FAM118A: variants seen among roughly 807,000 people sequenced by gnomAD.
FAM118A encodes SIR2 antiphage like 2, also known as protein FAM118A.
Under a neutral mutation model 38.2 loss-of-function variants are expected in FAM118A, and 25 were observed. The ratio of observed to expected loss-of-function variants is 0.65; its 90% CI spans 0.48 to 0.91. The LOEUF is 0.91. Among genes scored for constraint, FAM118A ranks in the 40% least tolerant of loss-of-function variants. The pLI, the probability that FAM118A is intolerant of heterozygous loss-of-function variation, is 0.00. For missense variants in FAM118A, 425 were observed against 463.3 expected (o/e 0.92, Z 0.76); for synonymous variants, 178 against 184.1 (o/e 0.97, Z 0.27).
rs1461066545 is a variant in FAM118A at position 45,341,441 on chromosome 22, C to T, written c.*1036C>T. 6.6e-6 allele frequency: 1 copy of T among 152,220 alleles called. No homozygotes were observed. Among genetic ancestry groups the T allele is most frequent in the Non-Finnish European group, 1.5e-5 (1 of 68,046 alleles). 9.4% of individuals were successfully genotyped at this position (152,220 alleles called of 1,614,324 possible). ...GGTTTCAAACATTATAAGTTCCAGG[C>T]TTTGCAAGTCTTTATTCTCTGGGGT... On this transcript the variant is annotated 3_prime_UTR_variant, in exon 9 of 9. Transcript: ENST00000441876.
intron 1 of FAM118A, among the ~76,000 whole-genome samples, chr22:45,315,511 A>T (rs1285713857): frequency 6.6e-6 from 1 of 152,198 alleles, no homozygotes; most frequent in Non-Finnish European, 1.5e-5. Flanking sequence ...GACACTGTAC[A>T]CTTTATTAAG....
At chr22:45,310,337 C>T (rs2084306985) in intron 1 of FAM118A, among the ~76,000 whole-genome samples, 154 bp downstream of exon 1, 2 of 151,982 alleles carry the variant, frequency 1.3e-5, no homozygotes, top group South Asian at 4.2e-4. Flanking sequence ...AGGATCCGCC[C>T]TGCCCCTCCA....
At chr22:45,330,901 C>A in intron 5 of FAM118A, 170 bp downstream of exon 5, 1 of 603,928 alleles carries the variant, frequency 1.7e-6, no homozygotes, top group Non-Finnish European at 2.5e-6. Context: ...TCGTCTGTGT[C>A]TCTGGGGTCC....
chr22:45,330,900 T>C, intron 5 of FAM118A, 169 bp downstream of exon 5: 1 of 614,254 alleles, frequency 1.6e-6, no homozygotes, highest in Non-Finnish European at 2.4e-6. Context: ...CTCGTCTGTG[T>C]CTCTGGGGTC....
intron 1 of FAM118A, 82 bp from the exon 2 acceptor site, chr22:45,322,289 T>C: frequency 6.3e-7 from 1 of 1,580,854 alleles, no homozygotes; most frequent in Non-Finnish European, 8.6e-7. Flanking sequence ...ATTTTAATTC[T>C]AGCCTTAACT....
At chr22:45,315,064 A>G (rs2084545686) in intron 1 of FAM118A, among the ~76,000 whole-genome samples, 1 of 152,230 alleles carries the variant, frequency 6.6e-6, no homozygotes, top group Admixed American at 6.5e-5. Flanking sequence ...TTGAATCTCT[A>G]TTAAAGGCTG....
chr22:45,324,518 G>A (rs757257607), intron 3 of FAM118A, among the ~76,000 whole-genome samples: 1 of 152,230 alleles, frequency 6.6e-6, no homozygotes, highest in South Asian at 2.1e-4. Context: ...AGCAGAGCTT[G>A]GGAAATGTTT....
chr22:45,330,891 T>A, intron 5 of FAM118A, 160 bp downstream of exon 5: 1 of 674,460 alleles, frequency 1.5e-6, no homozygotes, highest in Non-Finnish European at 2.1e-6. Context: ...TCTCTTGTCC[T>A]CGTCTGTGTC....
chr22:45,327,154 C>T (rs960207029), intron 3 of FAM118A, among the ~76,000 whole-genome samples: 8 of 151,848 alleles, frequency 5.3e-5, no homozygotes, highest in African/African-American at 1.2e-4. Context: ...GTGGCAAGCT[C>T]GCTTGGGCCC....
intron 1 of FAM118A, 27 bp from the exon 2 acceptor site, chr22:45,322,344 T>C: frequency 1.2e-6 from 2 of 1,602,854 alleles, no homozygotes; most frequent in South Asian, 2.3e-5. Context: ...GAGACAGAAG[T>C]CACTTCTGAC....
intron 3 of FAM118A, 89 bp from the exon 4 acceptor site, chr22:45,327,753 A>C: frequency 7.5e-7 from 1 of 1,339,332 alleles, no homozygotes; most frequent in Non-Finnish European, 1.1e-6. Context: ...CAGCCGCTGT[A>C]TCTCTGGCAC....
At chr22:45,332,780 C>G in intron 6 of FAM118A, 70 bp downstream of exon 6, 1 of 1,487,378 alleles carries the variant, frequency 6.7e-7, no homozygotes, top group South Asian at 1.4e-5. Flanking sequence ...GAGTTTTGCT[C>G]TTGTTGCCCA....
chr22:45,309,802 G>GGCGGC (rs991598684), upstream of FAM118A: 1 of 123,262 alleles, frequency 8.1e-6, no homozygotes, highest in Non-Finnish European at 2.0e-5. Context: ...CAGAGGATCT[G>GGCGGC]GCGGCGGGGC....
At chr22:45,335,055 A>G (rs2085988642) in intron 6 of FAM118A, 2 of 428,210 alleles carry the variant, frequency 4.7e-6, no homozygotes, top group Non-Finnish European at 8.3e-6. Context: ...ACTCGAATTC[A>G]TGGAGTGCCA....
chr22:45,337,548 C>T (rs533528025), intron 8 of FAM118A, among the ~76,000 whole-genome samples: 4 of 152,134 alleles, frequency 2.6e-5, no homozygotes, highest in African/African-American at 9.6e-5. Context: ...TAACGTTTCC[C>T]AATATTCTTA....
intron 2 of FAM118A, 73 bp from the exon 3 acceptor site, chr22:45,323,101 AG>A: frequency 6.5e-7 from 1 of 1,537,200 alleles, no homozygotes; most frequent in Non-Finnish European, 8.9e-7. Context: ...CGGAACTCGC[AG>A]ACAGTTCCAG....
intron 5 of FAM118A, among the ~76,000 whole-genome samples, chr22:45,331,925 C>T (rs1286396713): frequency 6.6e-6 from 1 of 152,136 alleles, no homozygotes; most frequent in Non-Finnish European, 1.5e-5. Flanking sequence ...CCCTCATTCG[C>T]AAAACCACCC....
chr22:45,317,995 T>C (rs1462607577), intron 1 of FAM118A, among the ~76,000 whole-genome samples: 1 of 152,226 alleles, frequency 6.6e-6, no homozygotes, highest in African/African-American at 2.4e-5. Context: ...GCGGGGCCAT[T>C]AACATCCTAC....
At chr22:45,326,305 C>A (rs967368835) in intron 3 of FAM118A, among the ~76,000 whole-genome samples, 1 of 151,982 alleles carries the variant, frequency 6.6e-6, no homozygotes, top group African/African-American at 2.4e-5. Context: ...CCCTTGGAGA[C>A]AGCTCCTGTC....
Sources: gnomAD v4.1 joint callset for allele counts (sites outside exome capture counted in the v4.1 genomes callset) on GRCh38, gnomAD v4.1.1 for gene constraint, MANE v1.5 for transcripts, NCBI Gene and HGNC (gene_info 2026-07-23, HGNC 2026-07-21) for gene names.